The following ARID5B variants were observed in gnomAD, a reference collection of about 807,000 sequenced individuals.
The protein encoded by ARID5B is AT-rich interactive domain-containing protein 5B.
In ARID5B, 13 loss-of-function variants were observed where a neutral mutation model predicts 97.2. That is an observed-to-expected ratio of 0.13 (90% CI 0.09 to 0.21). ARID5B has a LOEUF of 0.21. Among genes scored for constraint, ARID5B ranks in the 10% least tolerant of loss-of-function variants. ARID5B has a pLI of 1.00. For synonymous variants in ARID5B, 556 were observed against 570.3 expected (o/e 0.97, Z 0.36); for missense variants, 1,210 against 1,465.3 (o/e 0.83, Z 2.84).
chr10:62,051,134 AGCTCTAT>A, intron 5 of ARID5B, 134 bp downstream of exon 5: 1 of 796,546 alleles, frequency 1.3e-6, no homozygotes, highest in Non-Finnish European at 2.1e-6. Context: ...GAGCTTTTGA[AGCTCTAT>A]GCTGTGCCTG....
rs143894766 is a variant in ARID5B at position 61,923,566 on chromosome 10, C to A, written c.277-16617C>A. On this transcript the variant is annotated intron_variant, in intron 2 of 9. Coordinates refer to ENST00000279873, the MANE Select transcript of ARID5B (RefSeq NM_032199.3). ...TTATGACCATTTTTCATTATATAAACCACATTTAGCTAAGGGCTTACGTTT... is the reference window on the plus strand; with the variant it reads ...TTATGACCATTTTTCATTATATAAAACACATTTAGCTAAGGGCTTACGTTT... 3.5e-4 allele frequency among the ~76,000 whole-genome samples: 54 copies of A among 152,294 alleles called. No homozygotes were observed. The East Asian group carries it at 4.4e-3, about 13-fold the overall frequency.
intron 3 of ARID5B, among the ~76,000 whole-genome samples, chr10:61,985,510 C>G (rs1334697063): frequency 6.6e-6 from 1 of 151,792 alleles, no homozygotes; most frequent in Non-Finnish European, 1.5e-5. Context: ...TATGAAATGT[C>G]CAGAATAGGC....
At chr10:62,051,078 G>A in intron 5 of ARID5B, 78 bp downstream of exon 5, 1 of 1,179,394 alleles carries the variant, frequency 8.5e-7, no homozygotes, top group South Asian at 1.3e-5. Flanking sequence ...CTCTGTGCCT[G>A]TGTCTTGGAG....
At chr10:61,927,297 A>AT (rs905621778) in intron 2 of ARID5B, among the ~76,000 whole-genome samples, 3 of 151,950 alleles carry the variant, frequency 2.0e-5, no homozygotes, top group African/African-American at 4.8e-5. Context: ...TATTTTCCCC[A>AT]TTTTTTTTAT....
intron 3 of ARID5B, among the ~76,000 whole-genome samples, chr10:61,940,718 T>C (rs1315854151): frequency 1.3e-5 from 2 of 151,620 alleles, no homozygotes; most frequent in East Asian, 3.9e-4. Flanking sequence ...ATGAAGAGTT[T>C]AAATACTTGC....
intron 4 of ARID5B, among the ~76,000 whole-genome samples, chr10:62,013,131 C>A (rs1203800521): frequency 2.6e-5 from 4 of 152,108 alleles, no homozygotes; most frequent in African/African-American, 9.7e-5. Flanking sequence ...AGAGTTTCGC[C>A]TGGGCTCCAA....
chr10:62,052,922 C>G (rs998680055), intron 5 of ARID5B, among the ~76,000 whole-genome samples: 2 of 152,298 alleles, frequency 1.3e-5, no homozygotes, highest in South Asian at 2.1e-4. Context: ...TTTTCAGAGT[C>G]TTGGATTACA....
chr10:61,928,449 T>C (rs1295320416), intron 2 of ARID5B, among the ~76,000 whole-genome samples: 1 of 152,100 alleles, frequency 6.6e-6, no homozygotes, highest in African/African-American at 2.4e-5. Flanking sequence ...TACAGGCACC[T>C]GCCACCATGC....
Position 61,902,328 on chromosome 10 carries a change from G to A in ARID5B, c.191G>A (p.Arg64Lys), listed in dbSNP as rs750884076. 3.7e-6 allele frequency: 6 copies of A among 1,614,140 alleles called. No homozygotes were observed. In the South Asian group the frequency reaches 5.5e-5, roughly 15 times the overall value. The change falls in exon 2 of 10, where the codon AGG (arginine) becomes AAG (lysine). Residue 64 changes from arginine to lysine, a missense_variant. Arg to Lys is a conservative substitution (Grantham distance 26, BLOSUM62 2). This residue lies in a region of ARID5B where 80 missense variants were observed against 133.2 expected (regional missense o/e 0.60). Transcript: ENST00000279873. ...IAELQLLWEE[R>K]TSRQLLSSSK... ...GAGCTCCAGCTGTTGTGGGAAGAGA[G>A]GACCAGCCGGCAACTTTTATCCAGC...
intron 2 of ARID5B, among the ~76,000 whole-genome samples, chr10:61,920,939 T>C (rs1844003833): frequency 6.6e-6 from 1 of 152,196 alleles, no homozygotes. Context: ...ATAGTATTCT[T>C]AGAAATTTCT....
rs138763351 is a variant in ARID5B, at chr10:62,065,662, G to A, written c.1102-4038G>A. ...AGATCGAGACCATCCTGGCTAACAC[G>A]GTGAAATCCCGTCTCTACTAAAAAT... On this transcript the variant is annotated intron_variant, in intron 7 of 9. Coordinates refer to ENST00000279873, the MANE Select transcript of ARID5B (RefSeq NM_032199.3). 5.1e-3 allele frequency among the ~76,000 whole-genome samples: 776 copies of A among 151,972 alleles called. 8 individuals are homozygous for A. Among genetic ancestry groups the A allele is most frequent in the Middle Eastern group, 0.017 (5 of 294 alleles).
At chr10:62,034,890 A>G (rs1435565755) in intron 4 of ARID5B, among the ~76,000 whole-genome samples, 1 of 152,244 alleles carries the variant, frequency 6.6e-6, no homozygotes, top group Non-Finnish European at 1.5e-5. Flanking sequence ...AATCCTCACC[A>G]GGCAGTCTGC....
At chr10:61,992,635 G>A (rs556120638) in intron 3 of ARID5B, among the ~76,000 whole-genome samples, 15 of 151,896 alleles carry the variant, frequency 9.9e-5, no homozygotes, top group East Asian at 3.9e-4. Context: ...TGATGTTTTC[G>A]TTGCCTATCC....
intron 4 of ARID5B, among the ~76,000 whole-genome samples, chr10:62,026,071 C>T (rs899822330): frequency 6.6e-6 from 1 of 152,194 alleles, no homozygotes; most frequent in African/African-American, 2.4e-5. Flanking sequence ...CATTTACCAC[C>T]CTCTTTCACT....
chr10:61,926,051 T>C (rs1457371682), intron 2 of ARID5B, among the ~76,000 whole-genome samples: 2 of 152,194 alleles, frequency 1.3e-5, no homozygotes, highest in Admixed American at 1.3e-4. Flanking sequence ...CTAAAGAGCC[T>C]CCGTGGCAAA....
chr10:61,915,621 T>C (rs1843888167), intron 2 of ARID5B, among the ~76,000 whole-genome samples: 1 of 152,186 alleles, frequency 6.6e-6, no homozygotes, highest in South Asian at 2.1e-4. Context: ...AGGTATCATC[T>C]AGACACCTGG....
At chr10:61,966,015 C>T (rs1225326451) in intron 3 of ARID5B, among the ~76,000 whole-genome samples, 1 of 152,096 alleles carries the variant, frequency 6.6e-6, no homozygotes, top group Non-Finnish European at 1.5e-5. Flanking sequence ...AAATGTTTTT[C>T]CCCATTACAA....
intron 3 of ARID5B, among the ~76,000 whole-genome samples, chr10:61,947,699 T>C (rs1384086477): frequency 6.6e-6 from 1 of 152,208 alleles, no homozygotes; most frequent in Non-Finnish European, 1.5e-5. Context: ...CTTGTAATAG[T>C]GGTAGAATGA....
chr10:62,038,633 A>T (rs555212765), intron 4 of ARID5B, among the ~76,000 whole-genome samples: 4 of 152,374 alleles, frequency 2.6e-5, no homozygotes, highest in Admixed American at 2.6e-4. Flanking sequence ...TTTCCATATT[A>T]CAAACCCCAC....
Sources: allele counts gnomAD v4.1 joint callset (sites outside exome capture counted in the v4.1 genomes callset), GRCh38; gene constraint gnomAD v4.1.1; regional missense constraint gnomAD v4.1.1; transcripts MANE v1.5; gene names NCBI Gene and HGNC (gene_info 2026-07-23, HGNC 2026-07-21).